The following CLPB variants were observed in gnomAD, a reference collection of about 807,000 sequenced individuals.
The protein encoded by CLPB is mitochondrial disaggregase.
A neutral mutation model predicts 78.4 loss-of-function variants in CLPB; 40 were observed. The observed-to-expected ratio is 0.51, with a 90% confidence interval of 0.40 to 0.66. The LOEUF is 0.66. CLPB is among the 30% of genes least tolerant of loss of function. The pLI, the probability that CLPB is intolerant of heterozygous loss-of-function variation, is 0.00. For missense variants in CLPB, 780 were observed against 886.9 expected (o/e 0.88, Z 1.53); for synonymous variants, 333 against 348.0 (o/e 0.96, Z 0.48).
intron 3 of CLPB, among the ~76,000 whole-genome samples, chr11:72,384,649 G>A (rs1251675292): frequency 1.3e-5 from 2 of 152,120 alleles, no homozygotes; most frequent in African/African-American, 2.4e-5. Flanking sequence ...ACCTACAAGA[G>A]ACTCACTTTA....
chr11:72,349,563 G>A (rs922562077), intron 5 of CLPB, among the ~76,000 whole-genome samples: 2 of 152,214 alleles, frequency 1.3e-5, no homozygotes, highest in African/African-American at 4.8e-5. Flanking sequence ...GGGACACTTG[G>A]TTCTGGTCAT....
At chr11:72,305,850 C>T (rs1949737577) in intron 9 of CLPB, among the ~76,000 whole-genome samples, 1 of 152,210 alleles carries the variant, frequency 6.6e-6, no homozygotes, top group Non-Finnish European at 1.5e-5. Flanking sequence ...TGTATGAAGA[C>T]ATATGAAGAC....
intron 9 of CLPB, chr11:72,303,086 A>T (rs1354232018): frequency 6.6e-6 from 1 of 152,262 alleles, no homozygotes; most frequent in Non-Finnish European, 1.5e-5. Flanking sequence ...TGTGATCTGA[A>T]GAGTTAACAC....
chr11:72,367,309 G>A (rs369958922), intron 4 of CLPB, among the ~76,000 whole-genome samples: 52 of 152,232 alleles, frequency 3.4e-4, no homozygotes, highest in East Asian at 2.5e-3. Flanking sequence ...GACTACAGGC[G>A]CGTGCCACCA....
intron 1 of CLPB, among the ~76,000 whole-genome samples, chr11:72,433,513 T>C (rs1052821470): frequency 1.3e-5 from 2 of 151,358 alleles, no homozygotes; most frequent in Admixed American, 6.6e-5. Flanking sequence ...GCACTCCAGC[T>C]TGGCGACAGA....
intron 7 of CLPB, among the ~76,000 whole-genome samples, chr11:72,314,169 C>T (rs76126651): frequency 0.016 from 2,415 of 152,256 alleles, 58 homozygotes; most frequent in African/African-American, 0.055. Context: ...GAATATGCGT[C>T]ATACTCTGGC....
At chr11:72,408,266 G>A in intron 2 of CLPB, 1 of 1,141,824 alleles carries the variant, frequency 8.8e-7, no homozygotes. Context: ...TCAGATTCTA[G>A]CTCTGTCACT....
chr11:72,305,451 G>A (rs1949730250), intron 9 of CLPB, among the ~76,000 whole-genome samples: 1 of 152,228 alleles, frequency 6.6e-6, no homozygotes, highest in Non-Finnish European at 1.5e-5. Context: ...TGACATAAGT[G>A]ATGAGCACAC....
chr11:72,433,026 G>C (rs1856591791), intron 1 of CLPB, among the ~76,000 whole-genome samples: 1 of 152,126 alleles, frequency 6.6e-6, no homozygotes, highest in Non-Finnish European at 1.5e-5. Flanking sequence ...CTGCTGCTTA[G>C]CTCCCCGGAT....
At chr11:72,421,046 C>A (rs1224482157) in intron 2 of CLPB, among the ~76,000 whole-genome samples, 2 of 152,220 alleles carry the variant, frequency 1.3e-5, no homozygotes, top group Non-Finnish European at 2.9e-5. Context: ...GTAATCCCAG[C>A]TACTCAGGAC....
intron 6 of CLPB, among the ~76,000 whole-genome samples, chr11:72,320,129 T>TAC (rs199991400): frequency 0.022 from 3,346 of 152,326 alleles, 117 homozygotes; most frequent in African/African-American, 0.077. Flanking sequence ...CAGTTTTCCT[T>TAC]ACGTGATAGA....
rs376495481 is a variant in CLPB at position 72,431,441 on chromosome 11, T to A, written c.404-1078A>T. On this transcript the variant is annotated intron_variant, in intron 1 of 15. Coordinates refer to ENST00000538039, the MANE Select transcript of CLPB (RefSeq NM_001258392.3). Reference sequence around the variant, plus strand: ...AGACCTGGGGTCTAGCCCAGCTCTGTCGCTTATTTGCTGTATAACCTAGCC... The same window carrying A: ...AGACCTGGGGTCTAGCCCAGCTCTGACGCTTATTTGCTGTATAACCTAGCC... Among the ~76,000 whole-genome samples the A allele has an allele frequency of 5.9e-5, 9 of 152,324 alleles. No homozygotes were observed. In the East Asian group the frequency reaches 1.7e-3, roughly 29 times the overall value.
chr11:72,406,562 A>G (rs1348462538), intron 2 of CLPB, among the ~76,000 whole-genome samples: 1 of 152,206 alleles, frequency 6.6e-6, no homozygotes, highest in Non-Finnish European at 1.5e-5. Flanking sequence ...GCAGGTATTC[A>G]ATACAGACCC....
chr11:72,307,321 C>T (rs1949763495), intron 8 of CLPB, 67 bp from the exon 9 acceptor site: 1 of 1,293,072 alleles, frequency 7.7e-7, no homozygotes, highest in African/African-American at 1.5e-5. Context: ...TGAAAGAATA[C>T]TAGAAATGCA....
chr11:72,310,309 G>A (rs1231539157), intron 7 of CLPB, among the ~76,000 whole-genome samples: 5 of 152,274 alleles, frequency 3.3e-5, no homozygotes, highest in African/African-American at 9.6e-5. Context: ...AATGCTCCCT[G>A]AGAATCCTGA....
At chr11:72,296,456 G>C (rs892672084) in intron 11 of CLPB, among the ~76,000 whole-genome samples, 1 of 152,184 alleles carries the variant, frequency 6.6e-6, no homozygotes, top group Non-Finnish European at 1.5e-5. Context: ...ACAGTATAGG[G>C]CAGAGACAGA....
intron 5 of CLPB, chr11:72,354,564 ACTC>A (rs1950673057): frequency 2.7e-6 from 1 of 373,376 alleles, no homozygotes; most frequent in Admixed American, 4.5e-5. Context: ...TTCCCTGATC[ACTC>A]CTCTTTCTAG....
At chr11:72,309,626 T>G (rs1949807707) in intron 7 of CLPB, among the ~76,000 whole-genome samples, 1 of 152,190 alleles carries the variant, frequency 6.6e-6, no homozygotes, top group African/African-American at 2.4e-5. Context: ...ACACAACTAG[T>G]AGATGGCAGA....
intron 2 of CLPB, among the ~76,000 whole-genome samples, chr11:72,404,703 T>C (rs183207212): frequency 6.6e-6 from 1 of 152,186 alleles, no homozygotes; most frequent in East Asian, 1.9e-4. Flanking sequence ...GGAAGGAGTG[T>C]TCCAGGTAGA....
Sources: allele counts gnomAD v4.1 joint callset (sites outside exome capture counted in the v4.1 genomes callset), GRCh38; gene constraint gnomAD v4.1.1; transcripts MANE v1.5; gene names NCBI Gene and HGNC (gene_info 2026-07-23, HGNC 2026-07-21).